The following NYAP2 variants were observed in gnomAD, a reference collection of about 807,000 sequenced individuals.
NYAP2 encodes the protein neuronal tyrosine-phosphorylated phosphoinositide-3-kinase adaptor 2.
NYAP2 carries 23 observed loss-of-function variants against 50.4 expected under a neutral mutation model. That is an observed-to-expected ratio of 0.46 (90% CI 0.33 to 0.65). NYAP2 has a LOEUF of 0.65. Ranked by LOEUF, NYAP2 falls within the 30% of genes least tolerant of loss-of-function variation. NYAP2 has a pLI of 0.02. For synonymous variants in NYAP2, 394 were observed against 365.2 expected, an observed-to-expected ratio of 1.08 and a Z score of -0.90; for missense variants, 885 against 861.0, an observed-to-expected ratio of 1.03 and a Z score of -0.35.
chr2:225,683,320 G>C, the NYAP2 span, among the ~76,000 whole-genome samples: 1 of 152,142 alleles, frequency 6.6e-6, no homozygotes, highest in African/African-American at 2.4e-5. Flanking sequence ...TGAGAGGGGA[G>C]AGCCATTTTC....
At chr2:225,476,585 T>G (rs898016436) in intron 3 of NYAP2, among the ~76,000 whole-genome samples, 1 of 152,150 alleles carries the variant, frequency 6.6e-6, no homozygotes, top group Non-Finnish European at 1.5e-5. Flanking sequence ...AAATTTAATC[T>G]GCATTATCAT....
intron 3 of NYAP2, among the ~76,000 whole-genome samples, chr2:225,433,453 T>A (rs1255594521): frequency 1.3e-5 from 2 of 151,844 alleles, no homozygotes; most frequent in African/African-American, 4.8e-5. Context: ...GCCGAAAAAA[T>A]TTATAGGTAA....
intron 4 of NYAP2, among the ~76,000 whole-genome samples, chr2:225,545,469 G>A (rs1352737490): frequency 6.6e-6 from 1 of 151,942 alleles, no homozygotes; most frequent in African/African-American, 2.4e-5. Context: ...CTGCTATTAA[G>A]TGACTCTGAT....
chr2:225,596,863 C>T (rs1470262655), intron 5 of NYAP2, among the ~76,000 whole-genome samples: 4 of 151,966 alleles, frequency 2.6e-5, no homozygotes, highest in Admixed American at 6.6e-5. Flanking sequence ...ATCATGTTGT[C>T]GACAGCAAAA....
chr2:225,574,358 A>G (rs1314648157), intron 4 of NYAP2, among the ~76,000 whole-genome samples: 3 of 152,006 alleles, frequency 2.0e-5, no homozygotes, highest in Non-Finnish European at 4.4e-5. Context: ...GTTCAGTTAG[A>G]CTCATGTCCA....
chr2:225,668,885 T>C, the NYAP2 span, among the ~76,000 whole-genome samples: 1,537 of 149,996 alleles, frequency 0.01, 15 homozygotes, highest in Middle Eastern at 0.017. Context: ...CAAGTCAAAC[T>C]ATTAATGTAA....
intron 3 of NYAP2, among the ~76,000 whole-genome samples, chr2:225,464,227 G>C (rs141664925): frequency 6.6e-6 from 1 of 152,190 alleles, no homozygotes; most frequent in Non-Finnish European, 1.5e-5. Flanking sequence ...AGAATTCTCT[G>C]TGGTGTCAGT....
intron 3 of NYAP2, among the ~76,000 whole-genome samples, chr2:225,439,236 C>A (rs553993183): frequency 2.4e-4 from 37 of 151,978 alleles, no homozygotes; most frequent in Admixed American, 2.2e-3. Context: ...TAGGAAAGAG[C>A]ACAGTTGAAA....
At chr2:225,472,703 C>G (rs1690031421) in intron 3 of NYAP2, among the ~76,000 whole-genome samples, 1 of 152,048 alleles carries the variant, frequency 6.6e-6, no homozygotes, top group Admixed American at 6.6e-5. Flanking sequence ...AATTTTTGTT[C>G]AAAACTGTTT....
chr2:225,522,909 A>G (rs574177154), intron 4 of NYAP2, among the ~76,000 whole-genome samples: 18 of 152,302 alleles, frequency 1.2e-4, no homozygotes, highest in Non-Finnish European at 2.5e-4. Context: ...TTTCCTATAA[A>G]GAATATCTGT....
chr2:225,590,381 AG>A (rs1692477589), intron 5 of NYAP2, among the ~76,000 whole-genome samples: 1 of 152,196 alleles, frequency 6.6e-6, no homozygotes, highest in Admixed American at 6.5e-5. Context: ...GGTAGGCAAG[AG>A]GTAGAAAGCT....
At chr2:225,692,175 A>C in the NYAP2 span, among the ~76,000 whole-genome samples, 1 of 152,144 alleles carries the variant, frequency 6.6e-6, no homozygotes, top group African/African-American at 2.4e-5. Flanking sequence ...TGAGGCACAA[A>C]AATCAAAATC....
At chr2:225,511,258 T>G (rs950049575) in intron 3 of NYAP2, among the ~76,000 whole-genome samples, 1 of 151,856 alleles carries the variant, frequency 6.6e-6, no homozygotes, top group African/African-American at 2.4e-5. Context: ...CTTTCTCATA[T>G]TCTTCATTTT....
chr2:225,617,641 T>C (rs1345599478), intron 5 of NYAP2, among the ~76,000 whole-genome samples: 1 of 152,234 alleles, frequency 6.6e-6, no homozygotes, highest in Non-Finnish European at 1.5e-5. Context: ...AAACTCATTT[T>C]TCCAGGCAAA....
chr2:225,474,400 C>T (rs1378184231), intron 3 of NYAP2, among the ~76,000 whole-genome samples: 1 of 152,128 alleles, frequency 6.6e-6, no homozygotes, highest in Non-Finnish European at 1.5e-5. Context: ...TTACCTTGGG[C>T]AGTTTGGCCA....
chr2:225,684,996 T>C, the NYAP2 span, among the ~76,000 whole-genome samples: 1 of 152,196 alleles, frequency 6.6e-6, no homozygotes, highest in African/African-American at 2.4e-5. Flanking sequence ...AACAGAATTA[T>C]TGGAATTGCC....
rs141889631 is a variant in NYAP2 at position 225,602,981 on chromosome 2, C to CA, written c.1618+19956dup. On this transcript the variant is annotated intron_variant, in intron 5 of 6. Coordinates refer to ENST00000636099, the Ensembl canonical transcript of NYAP2. ...TTTAGAATGGATGTTTTTATTTCTG[C>CA]AAAAAAAAAAGTTATTGGGATTGTT... Among the ~76,000 whole-genome samples the CA allele has an allele frequency of 3.5e-3, 514 of 145,950 alleles. 1 individual carries two copies. Among genetic ancestry groups the CA allele is most frequent in the Middle Eastern group, 7.1e-3 (2 of 280 alleles).
chr2:225,496,030 T>G (rs1690499111), intron 3 of NYAP2, among the ~76,000 whole-genome samples: 1 of 151,760 alleles, frequency 6.6e-6, no homozygotes, highest in Non-Finnish European at 1.5e-5. Flanking sequence ...TACCAGGGAG[T>G]GGTAGAGATG....
intron 4 of NYAP2, among the ~76,000 whole-genome samples, chr2:225,543,189 T>A (rs1210472316): frequency 3.9e-5 from 6 of 151,952 alleles, no homozygotes; most frequent in African/African-American, 1.4e-4. Flanking sequence ...CACACCTTTA[T>A]CTTTTTAAAA....
Sources: gnomAD v4.1 joint callset for allele counts (sites outside exome capture counted in the v4.1 genomes callset) on GRCh38, gnomAD v4.1.1 for gene constraint, MANE v1.5 for transcripts, NCBI Gene and HGNC (gene_info 2026-07-23, HGNC 2026-07-21) for gene names.